Variants in EPHA6 observed in about 807,000 individuals in gnomAD.
The protein encoded by EPHA6 is ephrin type-A receptor 6.
Under a neutral mutation model 112.0 loss-of-function variants are expected in EPHA6, and 50 were observed. The ratio of observed to expected loss-of-function variants is 0.45; its 90% CI spans 0.36 to 0.56. The LOEUF (loss-of-function observed/expected upper bound fraction) is 0.56, where lower values mean the gene tolerates loss of function less well. Ranked by LOEUF, EPHA6 falls within the 20% of genes least tolerant of loss-of-function variation. The pLI, the probability that EPHA6 is intolerant of heterozygous loss-of-function variation, is 0.00. For missense variants in EPHA6, 1,280 were observed against 1,417.4 expected (o/e 0.90, Z 1.56); for synonymous variants, 529 against 490.7 (o/e 1.08, Z -1.03).
chr3:96,937,720 C>G (rs2040677442), intron 2 of EPHA6, among the ~76,000 whole-genome samples: 1 of 152,066 alleles, frequency 6.6e-6, no homozygotes, highest in African/African-American at 2.4e-5. Context: ...AGGTTTTCTT[C>G]TAGGGTTTTT....
chr3:97,689,687 T>C (rs1228597552), intron 14 of EPHA6, among the ~76,000 whole-genome samples: 1 of 152,192 alleles, frequency 6.6e-6, no homozygotes, highest in Non-Finnish European at 1.5e-5. Context: ...AGTGTTACCA[T>C]TTGATGATTT....
chr3:97,170,035 A>G, intron 3 of EPHA6, among the ~76,000 whole-genome samples: 1 of 152,018 alleles, frequency 6.6e-6, no homozygotes, highest in East Asian at 1.9e-4. Context: ...AACCTAGATG[A>G]CGGATTGATA....
At chr3:97,157,546 G>A (rs1311445550) in intron 3 of EPHA6, among the ~76,000 whole-genome samples, 3 of 152,116 alleles carry the variant, frequency 2.0e-5, no homozygotes, top group Admixed American at 2.0e-4. Flanking sequence ...CAGACAGAGA[G>A]TGATTATAAT....
chr3:97,094,055 G>A (rs917064652), intron 3 of EPHA6, among the ~76,000 whole-genome samples: 2 of 152,080 alleles, frequency 1.3e-5, no homozygotes, highest in Admixed American at 1.3e-4. Context: ...GACCCTTACA[G>A]CGTTAGAAAA....
chr3:97,757,803 GTTGTT>G lies in EPHA6; in HGVS notation c.*9105_*9109del, dbSNP rs531983502. Among the ~76,000 whole-genome samples, 41 of 151,712 alleles carry G rather than the reference GTTGTT, an allele frequency of 2.7e-4. No individual in the cohort carries two copies. Among genetic ancestry groups the G allele is most frequent in the African/African-American group, 8.9e-4 (37 of 41,448 alleles). On this transcript the variant is annotated 3_prime_UTR_variant, in exon 18 of 18. Coordinates refer to ENST00000389672, the MANE Select transcript of EPHA6 (RefSeq NM_001080448.3). ...TCAAGAAGATTGCCTTCTCTTTCCAGTTGTTTTAAGTATTTTAAAAAAGAGCCATT... is the reference window on the plus strand; with the variant it reads ...TCAAGAAGATTGCCTTCTCTTTCCAGTTAAGTATTTTAAAAAAGAGCCATT...
At chr3:97,700,737 A>G (rs918733202) in intron 14 of EPHA6, among the ~76,000 whole-genome samples, 2 of 152,214 alleles carry the variant, frequency 1.3e-5, no homozygotes, top group African/African-American at 2.4e-5. Flanking sequence ...GCATATATGT[A>G]TATTATGTAA....
intron 5 of EPHA6, among the ~76,000 whole-genome samples, chr3:97,280,003 A>G (rs1018761094): frequency 1.3e-5 from 2 of 152,180 alleles, no homozygotes; most frequent in African/African-American, 4.8e-5. Flanking sequence ...GTCCTGCCCC[A>G]GCCTCCTGAG....
At chr3:97,529,998 T>C (rs2092677492) in intron 10 of EPHA6, among the ~76,000 whole-genome samples, 1 of 152,052 alleles carries the variant, frequency 6.6e-6, no homozygotes, top group South Asian at 2.1e-4. Flanking sequence ...CAGAAAAAAA[T>C]CATATGGATT....
chr3:96,832,089 C>G (rs1246939434), intron 1 of EPHA6, among the ~76,000 whole-genome samples: 2 of 151,968 alleles, frequency 1.3e-5, no homozygotes, highest in African/African-American at 4.8e-5. Context: ...AAAAGTAATT[C>G]CTTAAAAATG....
intron 3 of EPHA6, among the ~76,000 whole-genome samples, chr3:97,009,659 C>T (rs1166340451): frequency 6.6e-6 from 1 of 152,230 alleles, no homozygotes; most frequent in Non-Finnish European, 1.5e-5. Context: ...TTGGCTTAAG[C>T]AGATTCCAGC....
intron 7 of EPHA6, among the ~76,000 whole-genome samples, chr3:97,450,682 A>T (rs1402216336): frequency 6.6e-6 from 1 of 152,102 alleles, no homozygotes. Context: ...TTGTACTCAC[A>T]AGTAACTCAG....
At position 97,730,327 on chromosome 3, in the gene EPHA6, G is replaced by A. The variant is rs149449142; in HGVS notation, c.2935-5598G>A. Among the ~76,000 whole-genome samples, 71 of 152,178 alleles carry A rather than the reference G, an allele frequency of 4.7e-4. 1 individual carries two copies. The East Asian group carries it at 0.01, about 22-fold the overall frequency. ...GGTTGTTAAAAATTGTGATGTCAATGTCAAGAAACCAGTATGATCTATTTA... is the reference window on the plus strand; with the variant it reads ...GGTTGTTAAAAATTGTGATGTCAATATCAAGAAACCAGTATGATCTATTTA... On this transcript the variant is annotated intron_variant, in intron 15 of 17. Transcript: ENST00000389672.
chr3:97,690,262 G>A (rs982596348), intron 14 of EPHA6, among the ~76,000 whole-genome samples: 1 of 152,152 alleles, frequency 6.6e-6, no homozygotes, highest in Non-Finnish European at 1.5e-5. Flanking sequence ...TCATCCCACT[G>A]GTAAGGAATG....
intron 11 of EPHA6, among the ~76,000 whole-genome samples, chr3:97,570,250 G>A (rs1010822297): frequency 1.3e-5 from 2 of 152,174 alleles, no homozygotes; most frequent in Non-Finnish European, 2.9e-5. Flanking sequence ...AAAGAGACAT[G>A]AGTTGGGATT....
rs185881166 is a variant in EPHA6 at position 97,557,087 on chromosome 3, G to A, written c.2386+24544G>A. Among the ~76,000 whole-genome samples, 4 of 151,910 alleles carry A rather than the reference G, an allele frequency of 2.6e-5. No individual in the cohort carries two copies. The East Asian group carries it at 7.7e-4, about 29-fold the overall frequency. On this transcript the variant is annotated intron_variant, in intron 11 of 17. Transcript: ENST00000389672. The stretch of plus-strand genomic sequence containing the variant: ...TCCAGGTCATACTTTTATTATCATA[G>A]GATAGATTCATAGAAGTGTAATTCA...
chr3:97,204,116 G>A (rs1448599535), intron 3 of EPHA6, among the ~76,000 whole-genome samples: 1 of 152,062 alleles, frequency 6.6e-6, no homozygotes, highest in Non-Finnish European at 1.5e-5. Context: ...TAAGAACTTA[G>A]AAAAGAGTAA....
At chr3:97,481,506 C>T (rs912510375) in intron 9 of EPHA6, 1 of 1,069,364 alleles carries the variant, frequency 9.4e-7, no homozygotes, top group Non-Finnish European at 1.4e-6. Flanking sequence ...CCGGTTCTTC[C>T]TCCGGCGCGG....
chr3:97,074,388 G>A (rs1475672616), intron 3 of EPHA6, among the ~76,000 whole-genome samples: 8 of 151,926 alleles, frequency 5.3e-5, no homozygotes, highest in Admixed American at 1.3e-4. Flanking sequence ...TACCAGCAGT[G>A]TAGAAGAGTT....
chr3:97,609,249 G>T (rs550762133), intron 12 of EPHA6, among the ~76,000 whole-genome samples: 43 of 151,198 alleles, frequency 2.8e-4, no homozygotes, highest in Non-Finnish European at 4.9e-4. Context: ...ATGGAATATT[G>T]GTCTCAGAAT....
Sources: gnomAD v4.1 joint callset for allele counts (sites outside exome capture counted in the v4.1 genomes callset) on GRCh38, gnomAD v4.1.1 for gene constraint, MANE v1.5 for transcripts, NCBI Gene and HGNC (gene_info 2026-07-23, HGNC 2026-07-21) for gene names.